TNNT1: variants seen among roughly 807,000 people sequenced by gnomAD.
The protein encoded by TNNT1 is troponin T1, slow skeletal type, also known as troponin T, slow skeletal muscle.
Under a neutral mutation model 50.6 loss-of-function variants are expected in TNNT1, and 53 were observed. The ratio of observed to expected loss-of-function variants is 1.05; its 90% CI spans 0.84 to 1.32. The LOEUF is 1.32. Ranked by LOEUF, TNNT1 falls within the 40% of genes most tolerant of loss-of-function variation. TNNT1 has a pLI of 0.00. For missense variants in TNNT1, 348 were observed against 381.7 expected (o/e 0.91, Z 0.74); for synonymous variants, 142 against 138.0 (o/e 1.03, Z -0.20).
chr19:55,133,448 G>T, intron 13 of TNNT1: 1 of 304,248 alleles, frequency 3.3e-6, no homozygotes, highest in Non-Finnish European at 6.3e-6. Context: ...AGGAGGCCAA[G>T]GCGGGTGGAT....
rs1022627020 is a variant in TNNT1 at position 55,141,206 on chromosome 19, C to T, written c.289G>A (p.Val97Ile). The change falls in exon 8 of 14, where the codon GTT becomes ATT. Residue 97 changes from valine to isoleucine, a missense_variant. Physicochemically the swap from Val to Ile is conservative, Grantham distance 29 (BLOSUM62 3). This residue lies in a region of TNNT1 where 253 missense variants were observed against 291.8 expected (regional missense o/e 0.87). Coordinates refer to ENST00000588981, the MANE Select transcript of TNNT1 (RefSeq NM_003283.6). ...CTCACAATGCGCTCCTTCAAGGCAA[C>T]CAGCTCCTCTTCCTCCTTCTTCCGC... ...EQRKKEEEEL[V>I]ALKERIERRR... The T allele has an allele frequency of 1.2e-5, 19 of 1,614,102 alleles. No homozygotes were observed. Among genetic ancestry groups the T allele is most frequent in the Non-Finnish European group, 1.6e-5 (19 of 1,180,024 alleles).
chr19:55,138,411 G>A (rs980095926), intron 9 of TNNT1, among the ~76,000 whole-genome samples: 1 of 152,038 alleles, frequency 6.6e-6, no homozygotes, highest in African/African-American at 2.4e-5. Context: ...CTGAGTAGCT[G>A]GGATTACAGG....
intron 11 of TNNT1, among the ~76,000 whole-genome samples, chr19:55,134,421 G>A (rs1310456119): frequency 1.3e-5 from 2 of 151,722 alleles, no homozygotes; most frequent in Non-Finnish European, 2.9e-5. Flanking sequence ...GACCAGGCTC[G>A]GCACCTGTAA....
chr19:55,140,769 T>C (rs2085434386), intron 9 of TNNT1, 114 bp downstream of exon 9: 2 of 736,600 alleles, frequency 2.7e-6, no homozygotes, highest in East Asian at 8.5e-5. Context: ...AGAGCTAGAC[T>C]CCGTTTCAAA....
At chr19:55,140,258 A>G (rs2085426158) in intron 9 of TNNT1, among the ~76,000 whole-genome samples, 1 of 152,020 alleles carries the variant, frequency 6.6e-6, no homozygotes, top group South Asian at 2.1e-4. Context: ...TTAGGAGTTG[A>G]AGACCAGCCT....
Position 55,147,188 on chromosome 19 carries a change from G to A in TNNT1, c.-11-20C>T, listed in dbSNP as rs1432641867. 8.1e-6 allele frequency: 13 copies of A among 1,611,580 alleles called. No individual in the cohort carries two copies. Among genetic ancestry groups the A allele is most frequent in the Non-Finnish European group, 1.1e-5 (13 of 1,178,800 alleles). On this transcript the variant is annotated intron_variant, in intron 1 of 13. Coordinates refer to ENST00000588981, the MANE Select transcript of TNNT1 (RefSeq NM_003283.6). ...TGCGGCCTAAGGACCAGAGAGAAGA[G>A]GCCCAGTGGGGTGGGGCCCCAAGGA...
At chr19:55,142,571 G>A (rs910101999) in intron 6 of TNNT1, among the ~76,000 whole-genome samples, 5 of 146,442 alleles carry the variant, frequency 3.4e-5, no homozygotes, top group African/African-American at 1.3e-4. Context: ...TTGAGACAGA[G>A]CCTCACTCTG....
Position 55,140,118 on chromosome 19 carries a change from C to T in TNNT1, c.387+765G>A, listed in dbSNP as rs533569850. ...AGCCTGGGTGACAGAGCGAGACTGT[C>T]TCAGAAAAAAAAAAAATTAAAATTA... On this transcript the variant is annotated intron_variant, in intron 9 of 13. Transcript: ENST00000588981. Among the ~76,000 whole-genome samples, 16 of 132,722 alleles carry T rather than the reference C, an allele frequency of 1.2e-4. 2 individuals are homozygous for T. The South Asian group carries it at 3.9e-3, about 32-fold the overall frequency. 87.1% of individuals were successfully genotyped at this position (132,722 alleles called of 152,430 possible). A position where few individuals can be genotyped will look rare whatever the true frequency, so the allele number is the denominator to read the frequency against.
intron 6 of TNNT1, among the ~76,000 whole-genome samples, chr19:55,144,654 G>A (rs2085515467): frequency 6.6e-6 from 1 of 152,218 alleles, no homozygotes; most frequent in Admixed American, 6.5e-5. Flanking sequence ...CGCAGGCAGA[G>A]GGCACAGTGT....
intron 3 of TNNT1, 47 bp from the exon 4 acceptor site, chr19:55,146,754 G>T: frequency 1.4e-6 from 2 of 1,434,410 alleles, no homozygotes; most frequent in South Asian, 1.5e-5. Flanking sequence ...CTGGGGGAGG[G>T]ATGGGGGCGG....
At chr19:55,147,247 A>AG (rs2085577923) in intron 1 of TNNT1, 79 bp from the exon 2 acceptor site, 1 of 1,424,728 alleles carries the variant, frequency 7.0e-7, no homozygotes, top group Non-Finnish European at 9.8e-7. Flanking sequence ...GTGAGGGAGG[A>AG]GGGGCTGGGG....
rs1599895658 is a variant in TNNT1, at chr19:55,146,913, C to A, written c.46+95G>T. The A allele has an allele frequency of 4.8e-6, 7 of 1,456,158 alleles. No homozygotes were observed. The South Asian group carries it at 8.3e-5, about 17-fold the overall frequency. 90.2% of individuals were successfully genotyped at this position (1,456,158 alleles called of 1,614,324 possible). A position where few individuals can be genotyped will look rare whatever the true frequency, so the allele number is the denominator to read the frequency against. On this transcript the variant is annotated intron_variant, in intron 3 of 13. Coordinates refer to ENST00000588981, the MANE Select transcript of TNNT1 (RefSeq NM_003283.6). ...GGGCGAGGGCCCGAGGGCTGAGCCG[C>A]CCCTTCCCCGCCAAAGTGCCACACT... is the stretch of plus-strand genomic sequence containing the variant.
rs759138118 is a variant in TNNT1, at chr19:55,141,215, C to A, written c.280G>T (p.Glu94Ter). ...CGCTCCTTCAAGGCAACCAGCTCCT[C>A]TTCCTCCTTCTTCCGCTGCTCGAAA... ...VHFEQRKKEE[E>*]ELVALKERIE... Residue 94 changes from glutamate to a stop codon, truncating the protein, a stop_gained, in exon 8 of 14, where the codon GAG (glutamate) becomes TAG (stop). Transcript: ENST00000588981. LOFTEE classifies it high-confidence loss of function. 6.2e-7 allele frequency: 1 copy of A among 1,614,266 alleles called. No individual in the cohort carries two copies.
intron 9 of TNNT1, among the ~76,000 whole-genome samples, chr19:55,139,617 C>T (rs1421146960): frequency 2.0e-5 from 3 of 152,080 alleles, no homozygotes; most frequent in East Asian, 1.9e-4. Flanking sequence ...CCCTTCCCCA[C>T]AGGTAATCCA....
At chr19:55,138,830 G>A (rs2147249553) in intron 9 of TNNT1, among the ~76,000 whole-genome samples, 1 of 152,282 alleles carries the variant, frequency 6.6e-6, no homozygotes, top group South Asian at 2.1e-4. Flanking sequence ...GAGGCTGATG[G>A]CCTTGAGCCT....
chr19:55,135,187 T>C (rs1445520543), intron 11 of TNNT1, among the ~76,000 whole-genome samples: 1 of 150,492 alleles, frequency 6.6e-6, no homozygotes, highest in African/African-American at 2.5e-5. Context: ...AGAGACTGTG[T>C]GGCTCTTCTC....
chr19:55,146,508 G>T (rs1023743983), intron 4 of TNNT1, 42 bp from the exon 5 acceptor site: 2 of 1,238,020 alleles, frequency 1.6e-6, no homozygotes, highest in African/African-American at 1.6e-5. Context: ...TGGGGAGCGA[G>T]GGGGGAGCGG....
chr19:55,135,715 TG>T (rs1485450898), intron 11 of TNNT1, among the ~76,000 whole-genome samples: 3 of 151,916 alleles, frequency 2.0e-5, no homozygotes, highest in African/African-American at 7.3e-5. Flanking sequence ...TTAGTAGAGA[TG>T]GGATTTCATC....
At chr19:55,134,010 C>T (rs574306836) in intron 12 of TNNT1, 56 bp downstream of exon 12, 2 of 1,611,834 alleles carry the variant, frequency 1.2e-6, no homozygotes, top group Non-Finnish European at 1.7e-6. Context: ...GTTTGCTGGT[C>T]CCTCCCAGCC....
Sources: allele counts gnomAD v4.1 joint callset (sites outside exome capture counted in the v4.1 genomes callset), GRCh38; gene constraint gnomAD v4.1.1; regional missense constraint gnomAD v4.1.1; transcripts MANE v1.5; gene names NCBI Gene and HGNC (gene_info 2026-07-23, HGNC 2026-07-21).